MSL2: variants seen among roughly 807,000 people sequenced by gnomAD.
MSL2 encodes the protein E3 ubiquitin-protein ligase MSL2.
A neutral mutation model predicts 35.8 loss-of-function variants in MSL2; 2 were observed. That is an observed-to-expected ratio of 0.06 (90% CI 0.02 to 0.18). The LOEUF is 0.18. Among genes scored for constraint, MSL2 ranks in the 10% least tolerant of loss-of-function variants. The pLI is 1.00. For missense variants in MSL2, 523 were observed against 706.7 expected (o/e 0.74, Z 2.95); for synonymous variants, 296 against 255.7 (o/e 1.16, Z -1.50).
At position 136,152,059 on chromosome 3, in the gene MSL2, G is replaced by C. The variant is rs760998593; in HGVS notation, c.822C>G (p.Leu274=). ...DSLLLSVEEV[L]RSLETVSNTE... Reference sequence around the variant, plus strand: ...TATTTGAAACAGTTTCTAAGCTGCGGAGTACTTCCTCAACACTCAGTAACA... The same window carrying C: ...TATTTGAAACAGTTTCTAAGCTGCGCAGTACTTCCTCAACACTCAGTAACA... The change falls in exon 2 of 2, where the codon CTC becomes CTG. Residue 274 remains leucine, a synonymous_variant. Transcript: ENST00000309993. 1.3e-5 allele frequency: 21 copies of C among 1,614,026 alleles called. No homozygotes were observed. The East Asian group carries it at 4.7e-4, about 36-fold the overall frequency.
chr3:136,170,508 C>CTTT lies in MSL2; in HGVS notation c.143-17773_143-17771dup, dbSNP rs71157363. Among the ~76,000 whole-genome samples, 430 of 81,642 alleles carry CTTT rather than the reference C, an allele frequency of 5.3e-3. 5 individuals carry two copies. Among genetic ancestry groups the CTTT allele is most frequent in the Non-Finnish European group, 6.6e-3 (293 of 44,248 alleles). 53.6% of individuals were successfully genotyped at this position (81,642 alleles called of 152,430 possible). ...GACCAAAAGGAAAAAAAACTCTGTC[C>CTTT]TTTTTTTTTTTTTTTTTTTTTTTTG... On this transcript the variant is annotated intron_variant, in intron 1 of 1. Transcript: ENST00000309993.
At position 136,151,760 on chromosome 3, in the gene MSL2, A is replaced by G; in HGVS notation, c.1121T>C (p.Val374Ala). The change falls in exon 2 of 2, where the codon GTG (valine) becomes GCG (alanine). Residue 374 changes from valine to alanine, a missense_variant. Around this residue, in one of 5 missense-constraint regions of MSL2, gnomAD observed 361 missense variants for 414.6 expected, o/e 0.87. Coordinates refer to ENST00000309993, the MANE Select transcript of MSL2 (RefSeq NM_018133.4). This position sits in a 1 kb window ranked among gnomAD's most constrained non-coding sequence, Gnocchi z 5.2. Reference protein sequence around the residue: ...PTLGASAPVTVKRESKISLQP... With the variant: ...PTLGASAPVTAKRESKISLQP... ...AAGAGAAATTTTGCTCTCCCGTTTC[A>G]CTGTCACAGGAGCAGATGCCCCCAG... 2.5e-6 allele frequency: 4 copies of G among 1,614,176 alleles called. No individual in the cohort carries two copies. The highest frequency in any genetic ancestry group is 3.4e-6 in the Non-Finnish European group (4 of 1,180,040).
Position 136,195,048 on chromosome 3 carries a change from G to A in MSL2, c.66C>T (p.Pro22=), listed in dbSNP as rs775306319. 2.8e-5 allele frequency: 46 copies of A among 1,614,082 alleles called. 1 individual carries two copies. The Middle Eastern group carries it at 2.5e-3, about 87-fold the overall frequency. ...TCTCAGTAAACGCCTTGGGGTCTCCGGGGTCGTAGTTGAGCACTAGGCGGC... is the reference window on the plus strand; with the variant it reads ...TCTCAGTAAACGCCTTGGGGTCTCCAGGGTCGTAGTTGAGCACTAGGCGGC... ...SASRLVLNYD[P]GDPKAFTEIN... is the part of the protein sequence containing the mutation. Residue 22 remains proline (P), a synonymous_variant, in exon 1 of 2, where the codon CCC becomes CCT. Coordinates refer to ENST00000309993, the MANE Select transcript of MSL2 (RefSeq NM_018133.4).
At chr3:136,182,093 A>C (rs1322389150) in intron 1 of MSL2, among the ~76,000 whole-genome samples, 2 of 152,298 alleles carry the variant, frequency 1.3e-5, no homozygotes, top group African/African-American at 4.8e-5. Flanking sequence ...AAGTTCTTTA[A>C]ATGTTATAAC....
intron 1 of MSL2, among the ~76,000 whole-genome samples, chr3:136,164,317 G>A (rs972078710): frequency 6.6e-6 from 1 of 152,168 alleles, no homozygotes; most frequent in Non-Finnish European, 1.5e-5. Flanking sequence ...AGTCTTCTAT[G>A]AGGTTTTAGA....
At chr3:136,158,616 A>G (rs1293647648) in intron 1 of MSL2, among the ~76,000 whole-genome samples, 1 of 152,128 alleles carries the variant, frequency 6.6e-6, no homozygotes, top group Non-Finnish European at 1.5e-5. Context: ...CTGGTGCAGT[A>G]AGGTTCAAAA....
At chr3:136,161,386 A>G (rs1263702665) in intron 1 of MSL2, among the ~76,000 whole-genome samples, 1 of 152,250 alleles carries the variant, frequency 6.6e-6, no homozygotes, top group Non-Finnish European at 1.5e-5. Context: ...AAGAGAAATA[A>G]AAACATATCC....
intron 1 of MSL2, among the ~76,000 whole-genome samples, chr3:136,165,354 A>T (rs990650423): frequency 6.6e-6 from 1 of 152,176 alleles, no homozygotes; most frequent in African/African-American, 2.4e-5. Context: ...TATTGACCCT[A>T]AAAATATTCA....
intron 1 of MSL2, among the ~76,000 whole-genome samples, chr3:136,173,542 T>C (rs529807766): frequency 5.1e-4 from 77 of 152,302 alleles, no homozygotes; most frequent in African/African-American, 1.8e-3. Flanking sequence ...TTGTTCTCCC[T>C]GCATGTAGTT....
At chr3:136,192,049 G>A (rs1276767850) in intron 1 of MSL2, among the ~76,000 whole-genome samples, 1 of 152,136 alleles carries the variant, frequency 6.6e-6, no homozygotes, top group African/African-American at 2.4e-5. Flanking sequence ...AAAAAACAAT[G>A]TCTTCCCTAA....
chr3:136,172,289 A>G (rs1940048808), intron 1 of MSL2, among the ~76,000 whole-genome samples: 1 of 152,026 alleles, frequency 6.6e-6, no homozygotes, highest in African/African-American at 2.4e-5. Context: ...ACATACACAC[A>G]TACAGTACCC....
intron 1 of MSL2, among the ~76,000 whole-genome samples, chr3:136,170,507 CCTT>C (rs1168998587): frequency 3.5e-5 from 5 of 142,708 alleles, no homozygotes; most frequent in East Asian, 2.0e-4. Context: ...AAAACTCTGT[CCTT>C]TTTTTTTTTT....
rs902565376 is a variant in MSL2, at chr3:136,196,269, G to C, written c.-1156C>G. The C allele has an allele frequency of 6.6e-6, 1 of 152,464 alleles. No homozygotes were observed. The highest frequency in any genetic ancestry group is 1.5e-5 in the Non-Finnish European group (1 of 68,532). The allele number at this position is 152,464 out of a possible 1,614,324, so 9.4% of individuals were successfully genotyped here. A position where few individuals can be genotyped will look rare whatever the true frequency, so the allele number is the denominator to read the frequency against. On this transcript the variant is annotated 5_prime_UTR_variant, in exon 1 of 2. Coordinates refer to ENST00000309993, the MANE Select transcript of MSL2 (RefSeq NM_018133.4). ...CGGCGACGACGACCGTTACCCCAAC[G>C]GGCAAAGCCACTGTCATCCCCGAGA...
intron 1 of MSL2, among the ~76,000 whole-genome samples, chr3:136,190,309 TA>T (rs1940651541): frequency 6.6e-6 from 1 of 152,172 alleles, no homozygotes; most frequent in Non-Finnish European, 1.5e-5. Flanking sequence ...CTCACACCTG[TA>T]ATCCCAGCAT....
At chr3:136,182,777 G>A (rs1038264175) in intron 1 of MSL2, among the ~76,000 whole-genome samples, 21 of 151,698 alleles carry the variant, frequency 1.4e-4, no homozygotes, top group African/African-American at 5.1e-4. Flanking sequence ...CAAGTCTTCA[G>A]CTCAGTACTG....
At position 136,195,932 on chromosome 3, in the gene MSL2, C is replaced by A; in HGVS notation, c.-819G>T. ...GCCCCTCGCGCCTCAGTCGCACACT[C>A]CGGGGTCACCAGACTCAAGCGCCGC... On this transcript the variant is annotated 5_prime_UTR_variant, in exon 1 of 2. Transcript: ENST00000309993. 1.8e-6 allele frequency: 1 copy of A among 554,000 alleles called. No individual in the cohort carries two copies. Among genetic ancestry groups the A allele is most frequent in the Non-Finnish European group, 2.3e-6 (1 of 437,226 alleles). The allele number at this position is 554,000 out of a possible 1,614,324, so 34.3% of individuals were successfully genotyped here. A position where few individuals can be genotyped will look rare whatever the true frequency, so the allele number is the denominator to read the frequency against.
At chr3:136,167,630 TATC>T (rs1202945587) in intron 1 of MSL2, among the ~76,000 whole-genome samples, 1 of 152,192 alleles carries the variant, frequency 6.6e-6, no homozygotes, top group Non-Finnish European at 1.5e-5. Context: ...CTCACATGAA[TATC>T]ATGAAATGCC....
At chr3:136,168,509 G>C (rs1272959122) in intron 1 of MSL2, among the ~76,000 whole-genome samples, 1 of 152,072 alleles carries the variant, frequency 6.6e-6, no homozygotes, top group African/African-American at 2.4e-5. Context: ...ACTAACACAA[G>C]AACACAAAAC....
chr3:136,167,734 A>AGAC (rs1472941936), intron 1 of MSL2, among the ~76,000 whole-genome samples: 1 of 152,200 alleles, frequency 6.6e-6, no homozygotes, highest in African/African-American at 2.4e-5. Context: ...AGAAACCAGA[A>AGAC]TTTTAAATGG....
Sources: allele counts gnomAD v4.1 joint callset (sites outside exome capture counted in the v4.1 genomes callset), GRCh38; gene constraint gnomAD v4.1.1; regional missense constraint gnomAD v4.1.1; non-coding constraint Gnocchi (gnomAD v3.1); transcripts MANE v1.5; gene names NCBI Gene and HGNC (gene_info 2026-07-23, HGNC 2026-07-21).